Variants in SPATA16 observed in about 807,000 individuals in gnomAD.
The protein encoded by SPATA16 is spermatogenesis-associated protein 16.
SPATA16 carries 36 observed loss-of-function variants against 63.3 expected under a neutral mutation model. That is an observed-to-expected ratio of 0.57 (90% confidence interval 0.44 to 0.75). The LOEUF is 0.75. Among genes scored for constraint, SPATA16 ranks in the 30% least tolerant of loss-of-function variants. The probability of loss-of-function intolerance (pLI) is 0.00; values close to 1 mark genes in which losing one functional copy is unlikely to be tolerated. For missense variants in SPATA16, 646 were observed against 679.3 expected (o/e 0.95, Z 0.54); for synonymous variants, 203 against 216.7 (o/e 0.94, Z 0.56).
intron 3 of SPATA16, among the ~76,000 whole-genome samples, chr3:173,034,240 A>T (rs867293520): frequency 1.3e-5 from 2 of 152,258 alleles, no homozygotes; most frequent in Non-Finnish European, 1.5e-5. Context: ...ATTATTTTTT[A>T]TGCTGCCTTC....
chr3:172,986,846 G>A (rs1296461700), intron 4 of SPATA16, among the ~76,000 whole-genome samples: 1 of 152,104 alleles, frequency 6.6e-6, no homozygotes, highest in Non-Finnish European at 1.5e-5. Flanking sequence ...GGAGGTGGGA[G>A]GTGATTGCAG....
chr3:173,097,214 T>C (rs1472852844), intron 2 of SPATA16, among the ~76,000 whole-genome samples: 16 of 152,166 alleles, frequency 1.1e-4, no homozygotes, highest in Admixed American at 1.0e-3. Context: ...GCCTTCTTGC[T>C]TATCAGATTG....
At chr3:172,989,142 A>T (rs1018257318) in intron 4 of SPATA16, among the ~76,000 whole-genome samples, 1 of 152,052 alleles carries the variant, frequency 6.6e-6, no homozygotes, top group Non-Finnish European at 1.5e-5. Flanking sequence ...TGTGAAACCC[A>T]CCTAGGCCTG....
At chr3:173,002,545 C>T (rs1237059161) in intron 4 of SPATA16, among the ~76,000 whole-genome samples, 1 of 152,098 alleles carries the variant, frequency 6.6e-6, no homozygotes, top group Non-Finnish European at 1.5e-5. Context: ...CTAACCAGAA[C>T]CTACACTATT....
intron 2 of SPATA16, among the ~76,000 whole-genome samples, chr3:173,073,191 G>A (rs552365025): frequency 2.6e-4 from 39 of 152,234 alleles, no homozygotes; most frequent in African/African-American, 8.9e-4. Flanking sequence ...GTTTTAAAAG[G>A]GAAAGAACAT....
At chr3:172,916,234 T>TTG (rs1553780511) in intron 9 of SPATA16, 83 bp downstream of exon 9, 134 of 1,201,346 alleles carry the variant, frequency 1.1e-4, no homozygotes, top group Non-Finnish European at 1.4e-4. Context: ...CCACAGGATT[T>TTG]TTTTTTTTTT....
intron 2 of SPATA16, among the ~76,000 whole-genome samples, chr3:173,055,605 A>G (rs1404203667): frequency 6.6e-6 from 1 of 152,234 alleles, no homozygotes; most frequent in Non-Finnish European, 1.5e-5. Context: ...TAGGGACTGC[A>G]TAGGTGTTGT....
chr3:173,024,099 T>C (rs1735398286), intron 3 of SPATA16, among the ~76,000 whole-genome samples: 1 of 150,868 alleles, frequency 6.6e-6, no homozygotes. Flanking sequence ...GCACAATAGG[T>C]ATGGGATTTT....
At chr3:173,030,864 G>A (rs1380231056) in intron 3 of SPATA16, among the ~76,000 whole-genome samples, 17 of 151,908 alleles carry the variant, frequency 1.1e-4, no homozygotes. Context: ...AACAAAACAT[G>A]GTATCTAACA....
At chr3:172,975,869 A>G (rs1215236357) in intron 5 of SPATA16, among the ~76,000 whole-genome samples, 2 of 152,046 alleles carry the variant, frequency 1.3e-5, no homozygotes, top group South Asian at 2.1e-4. Flanking sequence ...AAGATAACAT[A>G]TAATATAGAG....
intron 4 of SPATA16, among the ~76,000 whole-genome samples, chr3:172,983,962 G>A: frequency 6.8e-6 from 1 of 146,990 alleles, no homozygotes; most frequent in East Asian, 2.0e-4. Flanking sequence ...CCACCCCCTG[G>A]CCCCGCCCTG....
intron 2 of SPATA16, among the ~76,000 whole-genome samples, chr3:173,072,012 TCAACTAATTTAAAACAGAAC>T (rs1220356505): frequency 6.6e-6 from 1 of 152,204 alleles, no homozygotes; most frequent in Non-Finnish European, 1.5e-5. Flanking sequence ...TGGAGATTTC[TCAACTAATTTAAAACAGAAC>T]TACCATTTGA....
chr3:173,079,973 T>G (rs753232355), intron 2 of SPATA16, among the ~76,000 whole-genome samples: 15 of 152,304 alleles, frequency 9.8e-5, no homozygotes, highest in Non-Finnish European at 1.9e-4. Context: ...ACGCAATGCC[T>G]AAAGTGAATT....
chr3:173,092,040 C>T (rs1164362511), intron 2 of SPATA16, among the ~76,000 whole-genome samples: 1 of 152,164 alleles, frequency 6.6e-6, no homozygotes, highest in African/African-American at 2.4e-5. Flanking sequence ...TGAAGTTCCT[C>T]TCCTGCACAA....
intron 3 of SPATA16, among the ~76,000 whole-genome samples, chr3:173,041,834 A>G (rs1352484452): frequency 6.6e-6 from 1 of 152,108 alleles, no homozygotes; most frequent in Non-Finnish European, 1.5e-5. Flanking sequence ...GGATAGCATT[A>G]GGAGATATAC....
chr3:172,941,111 T>C lies in SPATA16; in HGVS notation c.1081+15566A>G, dbSNP rs372301116. ...TATTAAGGAGTGATCTAGACAGAGCTAAAGGAAGGATGAGAATGCAGATCT... is the reference window on the plus strand; with the variant it reads ...TATTAAGGAGTGATCTAGACAGAGCCAAAGGAAGGATGAGAATGCAGATCT... On this transcript the variant is annotated intron_variant, in intron 6 of 10. Coordinates refer to ENST00000351008, the MANE Select transcript of SPATA16 (RefSeq NM_031955.6). Among the ~76,000 whole-genome samples the C allele has an allele frequency of 5.9e-4, 90 of 152,174 alleles. 1 individual carries two copies. The South Asian group carries it at 0.018, about 30-fold the overall frequency.
chr3:173,028,078 T>TTCCTTC lies in SPATA16; in HGVS notation c.759-8504_759-8503insGAAGGA, dbSNP rs1560101151. Among the ~76,000 whole-genome samples the TTCCTTC allele has an allele frequency of 3.6e-4, 26 of 71,766 alleles. 1 individual carries two copies. Among genetic ancestry groups the TTCCTTC allele is most frequent in the Middle Eastern group, 6.3e-3 (1 of 160 alleles). The allele number at this position is 71,766 out of a possible 152,430, so 47.1% of individuals were successfully genotyped here. On this transcript the variant is annotated intron_variant, in intron 3 of 10. Coordinates refer to ENST00000351008, the MANE Select transcript of SPATA16 (RefSeq NM_031955.6). ...TCCTTCCTTCCTTCCTTCCTTCCTT[T>TTCCTTC]CTCTCTCTCTCTTTCTTTCTTTCAA...
At chr3:173,051,331 T>C (rs943008202) in intron 2 of SPATA16, among the ~76,000 whole-genome samples, 17 of 152,230 alleles carry the variant, frequency 1.1e-4, no homozygotes, top group African/African-American at 3.9e-4. Flanking sequence ...GCCTCCCAAG[T>C]AGTTGGGATT....
At chr3:173,057,115 C>CTTT (rs397876631) in intron 2 of SPATA16, among the ~76,000 whole-genome samples, 8 of 138,188 alleles carry the variant, frequency 5.8e-5, no homozygotes, top group South Asian at 2.3e-4. Context: ...CTTTTCTTTT[C>CTTT]TTTTTTTTTT....
Sources: allele counts gnomAD v4.1 joint callset (sites outside exome capture counted in the v4.1 genomes callset), GRCh38; gene constraint gnomAD v4.1.1; transcripts MANE v1.5; gene names NCBI Gene and HGNC (gene_info 2026-07-23, HGNC 2026-07-21).